HCN1: variants seen among roughly 807,000 people sequenced by gnomAD.
HCN1 encodes the protein hyperpolarization activated cyclic nucleotide gated potassium channel 1, also known as potassium/sodium hyperpolarization-activated cyclic nucleotide-gated channel 1.
Under a neutral mutation model 78.9 loss-of-function variants are expected in HCN1, and 13 were observed. The ratio of observed to expected loss-of-function variants is 0.16; its 90% CI spans 0.11 to 0.26. HCN1 has a LOEUF of 0.26. Ranked by LOEUF, HCN1 falls within the 10% of genes least tolerant of loss-of-function variation. The pLI, the probability that HCN1 is intolerant of heterozygous loss-of-function variation, is 1.00. For synonymous variants in HCN1, 552 were observed against 455.5 expected, an observed-to-expected ratio of 1.21 and a Z score of -2.70; for missense variants, 810 against 1,154.3, an observed-to-expected ratio of 0.70 and a Z score of 4.32.
intron 4 of HCN1, among the ~76,000 whole-genome samples, chr5:45,371,966 T>A (rs1203005131): frequency 2.3e-4 from 18 of 78,558 alleles, no homozygotes; most frequent in African/African-American, 8.7e-4. Flanking sequence ...TAATTATATA[T>A]TATATTATGT....
At chr5:45,523,790 T>C (rs1447355332) in intron 2 of HCN1, among the ~76,000 whole-genome samples, 1 of 152,134 alleles carries the variant, frequency 6.6e-6, no homozygotes, top group Non-Finnish European at 1.5e-5. Context: ...GTTGCGAAAA[T>C]TTTCTCCCAT....
intron 3 of HCN1, among the ~76,000 whole-genome samples, chr5:45,416,702 A>G (rs374720403): frequency 1.3e-5 from 2 of 151,992 alleles, no homozygotes; most frequent in African/African-American, 4.8e-5. Context: ...TGAAAGCAGA[A>G]CAACTTTTTC....
At chr5:45,367,486 T>A (rs1346881989) in intron 4 of HCN1, among the ~76,000 whole-genome samples, 1 of 151,874 alleles carries the variant, frequency 6.6e-6, no homozygotes, top group Non-Finnish European at 1.5e-5. Context: ...TGCTTTGAAT[T>A]TGATAGCAAC....
At position 45,431,416 on chromosome 5, in the gene HCN1, G is replaced by A. The variant is rs188544632; in HGVS notation, c.1011+30430C>T. Among the ~76,000 whole-genome samples the A allele has an allele frequency of 3.9e-5, 6 of 152,210 alleles. No individual in the cohort carries two copies. In the East Asian group the frequency reaches 7.7e-4, roughly 20 times the overall value. On this transcript the variant is annotated intron_variant, in intron 3 of 7. Coordinates refer to ENST00000303230, the MANE Select transcript of HCN1 (RefSeq NM_021072.4). ...TACTCTGTTGATAGGTTCTTTTGCTGTGCAGAAACTCTTGAGCTTAATTAG... is the reference window on the plus strand; with the variant it reads ...TACTCTGTTGATAGGTTCTTTTGCTATGCAGAAACTCTTGAGCTTAATTAG...
At chr5:45,429,097 T>C (rs932187871) in intron 3 of HCN1, among the ~76,000 whole-genome samples, 5 of 152,258 alleles carry the variant, frequency 3.3e-5, no homozygotes, top group African/African-American at 1.2e-4. Flanking sequence ...ATTATTATTA[T>C]CTTTATAGGT....
intron 3 of HCN1, among the ~76,000 whole-genome samples, chr5:45,420,255 C>G (rs1159120144): frequency 6.6e-6 from 1 of 152,146 alleles, no homozygotes; most frequent in Non-Finnish European, 1.5e-5. Flanking sequence ...TGGCACACTA[C>G]TGATTGCTTT....
intron 2 of HCN1, among the ~76,000 whole-genome samples, chr5:45,636,039 G>T (rs1745352054): frequency 1.3e-5 from 2 of 152,066 alleles, no homozygotes; most frequent in African/African-American, 4.8e-5. Flanking sequence ...TTTTTCATTA[G>T]ATAAGTATAT....
chr5:45,365,201 T>C (rs1438747695), intron 4 of HCN1, among the ~76,000 whole-genome samples: 1 of 152,012 alleles, frequency 6.6e-6, no homozygotes, highest in South Asian at 2.1e-4. Context: ...TTTTTATTTT[T>C]CATGTTAGAT....
At chr5:45,373,439 A>G (rs1747480503) in intron 4 of HCN1, among the ~76,000 whole-genome samples, 1 of 137,172 alleles carries the variant, frequency 7.3e-6, no homozygotes, top group Admixed American at 8.1e-5. Context: ...TCAGATATAC[A>G]TCATCTATAA....
intron 3 of HCN1, among the ~76,000 whole-genome samples, chr5:45,434,523 G>C (rs995829498): frequency 6.6e-6 from 1 of 152,192 alleles, no homozygotes; most frequent in African/African-American, 2.4e-5. Context: ...ATACAAGAAC[G>C]TGGAGGAGGA....
At chr5:45,518,669 G>T (rs1742558367) in intron 2 of HCN1, among the ~76,000 whole-genome samples, 1 of 151,940 alleles carries the variant, frequency 6.6e-6, no homozygotes, top group African/African-American at 2.4e-5. Context: ...TGTGAAGAAA[G>T]ATTAAAACAA....
chr5:45,630,138 T>C (rs2112009681), intron 2 of HCN1, among the ~76,000 whole-genome samples: 1 of 152,260 alleles, frequency 6.6e-6, no homozygotes, highest in Non-Finnish European at 1.5e-5. Context: ...GGCCCCCTAA[T>C]GCTTCCACTC....
At chr5:45,638,591 C>A (rs1401535405) in intron 2 of HCN1, among the ~76,000 whole-genome samples, 1 of 152,176 alleles carries the variant, frequency 6.6e-6, no homozygotes, top group African/African-American at 2.4e-5. Context: ...ACACCACGCA[C>A]ACCCTGTTAA....
At chr5:45,431,346 T>C (rs1292209787) in intron 3 of HCN1, among the ~76,000 whole-genome samples, 2 of 152,214 alleles carry the variant, frequency 1.3e-5, no homozygotes, top group Non-Finnish European at 2.9e-5. Context: ...TAGACTTTGA[T>C]GCATAGTTTG....
chr5:45,355,658 G>C (rs1472553763), intron 4 of HCN1, among the ~76,000 whole-genome samples: 1 of 151,870 alleles, frequency 6.6e-6, no homozygotes, highest in Non-Finnish European at 1.5e-5. Context: ...CATCATTGGT[G>C]ACTAAGAAGT....
At chr5:45,645,660 T>TC (rs758538512) in intron 1 of HCN1, 52 bp from the exon 2 acceptor site, 45 of 1,190,216 alleles carry the variant, frequency 3.8e-5, no homozygotes, top group African/African-American at 2.5e-4. Context: ...AACCAGCCTA[T>TC]CCCCCCCATG....
intron 5 of HCN1, among the ~76,000 whole-genome samples, chr5:45,306,062 A>C (rs1745728439): frequency 6.6e-6 from 1 of 152,108 alleles, no homozygotes; most frequent in African/African-American, 2.4e-5. Flanking sequence ...AGGAAGATAA[A>C]AGGTGACGTG....
At position 45,339,849 on chromosome 5, in the gene HCN1, TA is replaced by T. The variant is rs1200885958; in HGVS notation, c.1377+13250del. The stretch of plus-strand genomic sequence containing the variant: ...GATGCACGTAAAAGTGAAAAGTGGA[TA>T]TTTTTTCCAGTGAAGATCAGTGTAA... On this transcript the variant is annotated intron_variant, in intron 5 of 7. Transcript: ENST00000303230. Among the ~76,000 whole-genome samples, 8 of 152,310 alleles carry T rather than the reference TA, an allele frequency of 5.3e-5. No homozygotes were observed. The East Asian group carries it at 1.5e-3, about 29-fold the overall frequency.
chr5:45,329,269 C>A (rs1746299333), intron 5 of HCN1, among the ~76,000 whole-genome samples: 1 of 151,508 alleles, frequency 6.6e-6, no homozygotes, highest in African/African-American at 2.4e-5. Flanking sequence ...ACTTTCCTCC[C>A]CTTCCCCAGC....
Sources: gnomAD v4.1 joint callset for allele counts (sites outside exome capture counted in the v4.1 genomes callset) on GRCh38, gnomAD v4.1.1 for gene constraint, MANE v1.5 for transcripts, NCBI Gene and HGNC (gene_info 2026-07-23, HGNC 2026-07-21) for gene names.